MACROD2: variants seen among roughly 807,000 people sequenced by gnomAD.
MACROD2 encodes the protein ADP-ribose glycohydrolase MACROD2.
A neutral mutation model predicts 70.4 loss-of-function variants in MACROD2; 36 were observed. The ratio of observed to expected loss-of-function variants is 0.51; its 90% CI spans 0.39 to 0.68. The LOEUF is 0.68. MACROD2 is among the 30% of genes least tolerant of loss of function. The pLI is 0.00. For synonymous variants in MACROD2, 172 were observed against 178.8 expected, an observed-to-expected ratio of 0.96 and a Z score of 0.30; for missense variants, 496 against 538.4, an observed-to-expected ratio of 0.92 and a Z score of 0.78.
chr20:15,727,113 T>G (rs987808575), intron 8 of MACROD2, among the ~76,000 whole-genome samples: 1 of 152,192 alleles, frequency 6.6e-6, no homozygotes, highest in Non-Finnish European at 1.5e-5. Context: ...CTTGAGCTGA[T>G]TTTTGTATAT....
intron 8 of MACROD2, among the ~76,000 whole-genome samples, chr20:15,561,782 A>G (rs1274847333): frequency 6.6e-6 from 1 of 152,116 alleles, no homozygotes; most frequent in Non-Finnish European, 1.5e-5. Context: ...TTCCGTAGCC[A>G]TGTGAACCCT....
chr20:15,550,214 G>A (rs2048077056), intron 8 of MACROD2, among the ~76,000 whole-genome samples: 1 of 147,342 alleles, frequency 6.8e-6, no homozygotes, highest in South Asian at 2.1e-4. Flanking sequence ...AACATTTTTA[G>A]AGAATTCATA....
At chr20:14,007,805 C>G (rs2052843568) in intron 2 of MACROD2, among the ~76,000 whole-genome samples, 1 of 152,100 alleles carries the variant, frequency 6.6e-6, no homozygotes, top group East Asian at 1.9e-4. Flanking sequence ...CTAATTTTCT[C>G]TGACTGGTTA....
intron 5 of MACROD2, among the ~76,000 whole-genome samples, chr20:15,053,326 G>T (rs2075457755): frequency 6.6e-6 from 1 of 152,196 alleles, no homozygotes; most frequent in Non-Finnish European, 1.5e-5. Context: ...GAAGTCATAG[G>T]TTGGCCTCAA....
At chr20:14,305,395 A>G (rs1420946228) in intron 3 of MACROD2, among the ~76,000 whole-genome samples, 1 of 152,158 alleles carries the variant, frequency 6.6e-6, no homozygotes, top group Non-Finnish European at 1.5e-5. Flanking sequence ...TATACACATT[A>G]TGTAATGTAT....
chr20:16,010,684 C>A (rs886947872), intron 15 of MACROD2, among the ~76,000 whole-genome samples: 6 of 152,134 alleles, frequency 3.9e-5, no homozygotes, highest in African/African-American at 1.2e-4. Context: ...TCTTTGGGAT[C>A]CTTCAGAGCT....
intron 8 of MACROD2, among the ~76,000 whole-genome samples, chr20:15,700,725 A>C (rs1272181947): frequency 6.6e-6 from 1 of 152,208 alleles, no homozygotes; most frequent in African/African-American, 2.4e-5. Flanking sequence ...TAGATGGTAA[A>C]GTGCCTGCAA....
At chr20:15,667,441 A>C (rs2049914660) in intron 8 of MACROD2, among the ~76,000 whole-genome samples, 1 of 152,128 alleles carries the variant, frequency 6.6e-6, no homozygotes, top group Non-Finnish European at 1.5e-5. Context: ...TCTTTATTTC[A>C]ATGCAAGAAT....
At chr20:14,319,469 A>G (rs1406304677) in intron 3 of MACROD2, among the ~76,000 whole-genome samples, 1 of 151,396 alleles carries the variant, frequency 6.6e-6, no homozygotes, top group African/African-American at 2.4e-5. Flanking sequence ...CTTTTTTTCT[A>G]TCTTGTTCCT....
intron 13 of MACROD2, among the ~76,000 whole-genome samples, chr20:15,983,027 G>A (rs1345376865): frequency 3.9e-5 from 6 of 152,228 alleles, no homozygotes; most frequent in South Asian, 2.1e-4. Context: ...AGTGTAAAGA[G>A]TTTTGTCAGG....
At chr20:15,621,571 A>G (rs2049126207) in intron 8 of MACROD2, among the ~76,000 whole-genome samples, 1 of 152,232 alleles carries the variant, frequency 6.6e-6, no homozygotes, top group African/African-American at 2.4e-5. Context: ...GTGATACTAT[A>G]ACTAGTAACT....
intron 5 of MACROD2, among the ~76,000 whole-genome samples, chr20:14,950,265 A>C (rs2074464772): frequency 1.3e-5 from 2 of 152,102 alleles, no homozygotes; most frequent in African/African-American, 4.8e-5. Flanking sequence ...TTTCAGACTC[A>C]TGCTGTCTTG....
intron 7 of MACROD2, among the ~76,000 whole-genome samples, chr20:15,434,501 T>A (rs568888972): frequency 6.6e-6 from 1 of 152,038 alleles, no homozygotes; most frequent in East Asian, 1.9e-4. Context: ...ATGGCCATAA[T>A]TAAAAAGTCA....
At chr20:15,440,013 T>C (rs1050761886) in intron 7 of MACROD2, among the ~76,000 whole-genome samples, 1 of 152,138 alleles carries the variant, frequency 6.6e-6, no homozygotes, top group South Asian at 2.1e-4. Context: ...GAGCCCTATT[T>C]TGACACTCTA....
intron 3 of MACROD2, among the ~76,000 whole-genome samples, chr20:14,194,324 C>T (rs948102835): frequency 2.6e-5 from 4 of 152,094 alleles, no homozygotes; most frequent in Non-Finnish European, 5.9e-5. Context: ...ATGTTCCTGC[C>T]CAGCCAAGAT....
intron 3 of MACROD2, among the ~76,000 whole-genome samples, chr20:14,253,649 T>G: frequency 6.6e-6 from 1 of 152,118 alleles, no homozygotes; most frequent in East Asian, 1.9e-4. Flanking sequence ...TGAAATCAAG[T>G]ACAATGCTTT....
chr20:14,476,295 G>A (rs2084593678), intron 3 of MACROD2, among the ~76,000 whole-genome samples: 1 of 152,072 alleles, frequency 6.6e-6, no homozygotes, highest in African/African-American at 2.4e-5. Flanking sequence ...ATCTAGTCTT[G>A]ACTACTGAGC....
intron 8 of MACROD2, among the ~76,000 whole-genome samples, chr20:15,579,751 A>G (rs1352804807): frequency 1.3e-5 from 2 of 152,194 alleles, no homozygotes; most frequent in African/African-American, 2.4e-5. Context: ...AGATTTTAAC[A>G]ATTAAAAACT....
chr20:14,162,974 C>T (rs908040015), intron 3 of MACROD2, among the ~76,000 whole-genome samples: 1 of 151,710 alleles, frequency 6.6e-6, no homozygotes, highest in Non-Finnish European at 1.5e-5. Flanking sequence ...TATTGTTTAT[C>T]TTTGTGGTTT....
Sources: allele counts gnomAD v4.1 joint callset (sites outside exome capture counted in the v4.1 genomes callset), GRCh38; gene constraint gnomAD v4.1.1; transcripts MANE v1.5; gene names NCBI Gene and HGNC (gene_info 2026-07-23, HGNC 2026-07-21).